The following CDH10 variants were observed in gnomAD, a reference collection of about 807,000 sequenced individuals.
The protein encoded by CDH10 is cadherin-10.
Under a neutral mutation model 73.1 loss-of-function variants are expected in CDH10, and 30 were observed. The ratio of observed to expected loss-of-function variants is 0.41; its 90% confidence interval spans 0.31 to 0.56. The LOEUF (loss-of-function observed/expected upper bound fraction) is 0.56, where lower values mean the gene tolerates loss of function less well. Ranked by LOEUF, CDH10 falls within the 20% of genes least tolerant of loss-of-function variation. The pLI is 0.27. For missense variants in CDH10, 815 were observed against 973.7 expected (o/e 0.84, Z 2.17); for synonymous variants, 345 against 348.2 (o/e 0.99, Z 0.10).
intron 4 of CDH10, 148 bp downstream of exon 4, chr5:24,535,555 C>T (rs1743920469): frequency 2.6e-6 from 2 of 760,688 alleles, no homozygotes; most frequent in Non-Finnish European, 4.2e-6. Flanking sequence ...TATCATTTAA[C>T]TTTGAGTTCT....
intron 2 of CDH10, among the ~76,000 whole-genome samples, chr5:24,543,855 G>T (rs1390316249): frequency 6.6e-6 from 1 of 152,134 alleles, no homozygotes; most frequent in Non-Finnish European, 1.5e-5. Context: ...AGAAAACCTT[G>T]AATTAAATGG....
In CDH10 at chr5:24,535,257, C is replaced by T. The variant is rs758449342; in HGVS notation, c.669G>A (p.Pro223=). Residue 223 remains proline, a synonymous_variant, in exon 5 of 12, where the codon CCG becomes CCA. Coordinates refer to ENST00000264463, the MANE Select transcript of CDH10 (RefSeq NM_006727.5). The part of the protein sequence containing the change: ...PETGIIRTAL[P]NMNRENREQY... ...GCTCTCTGTTTTCTCTGTTCATGTT[C>T]GGTAAAGCAGTCCTGATGATACCTT... 9.3e-6 allele frequency: 15 copies of T among 1,612,592 alleles called. No homozygotes were observed. The highest frequency in any genetic ancestry group is 1.6e-4 in the Middle Eastern group (1 of 6,064).
intron 2 of CDH10, among the ~76,000 whole-genome samples, chr5:24,584,088 A>C (rs184621617): frequency 6.0e-4 from 91 of 152,250 alleles, no homozygotes; most frequent in African/African-American, 2.1e-3. Context: ...TTTTTTTCTT[A>C]ATTATAAATG....
At chr5:24,626,039 A>T (rs538588999) in intron 1 of CDH10, among the ~76,000 whole-genome samples, 2 of 152,264 alleles carry the variant, frequency 1.3e-5, no homozygotes, top group African/African-American at 4.8e-5. Context: ...TTAAGCCTAA[A>T]AGCTTATCAT....
Position 24,512,785 on chromosome 5 carries a change from C to A in CDH10, c.815-1271G>T, listed in dbSNP as rs542305840. Among the ~76,000 whole-genome samples, 3 of 152,228 alleles carry A rather than the reference C, an allele frequency of 2.0e-5. 1 individual carries two copies. In the South Asian group the frequency reaches 6.2e-4, roughly 32 times the overall value. On this transcript the variant is annotated intron_variant, in intron 5 of 11. Transcript: ENST00000264463. ...CCTCAAGTACACTCTGATTATAGCA[C>A]CTTCTTGCTCATAAACCTTAAGTAA... is the stretch of plus-strand genomic sequence containing the variant.
chr5:24,603,759 A>G (rs1746653235), intron 1 of CDH10, among the ~76,000 whole-genome samples: 2 of 152,202 alleles, frequency 1.3e-5, no homozygotes, highest in Admixed American at 6.5e-5. Flanking sequence ...ATTCCGGAAC[A>G]AAGTGTAGAT....
chr5:24,511,239 C>T, intron 6 of CDH10, 88 bp downstream of exon 6: 1 of 794,894 alleles, frequency 1.3e-6, no homozygotes, highest in Non-Finnish European at 2.1e-6. Flanking sequence ...AGTAGTATTT[C>T]CCAATGGATC....
At chr5:24,550,271 T>C (rs1349067442) in intron 2 of CDH10, among the ~76,000 whole-genome samples, 2 of 152,196 alleles carry the variant, frequency 1.3e-5, no homozygotes, top group African/African-American at 2.4e-5. Flanking sequence ...TTTTTCAGTA[T>C]AATTCTTCTT....
Position 24,594,890 on chromosome 5 carries a change from A to G in CDH10, c.-123-1277T>C, listed in dbSNP as rs1024092171. Among the ~76,000 whole-genome samples the G allele has an allele frequency of 3.9e-5, 6 of 152,072 alleles. No homozygotes were observed. In the East Asian group the frequency reaches 5.8e-4, roughly 15 times the overall value. On this transcript the variant is annotated intron_variant, in intron 1 of 11. Coordinates refer to ENST00000264463, the MANE Select transcript of CDH10 (RefSeq NM_006727.5). ...TTTCTTCATCACTGTATCACAGTGT[A>G]TAAAAAAGAATCTTGTCTATAATAG...
intron 1 of CDH10, among the ~76,000 whole-genome samples, chr5:24,625,560 T>C (rs1397176290): frequency 2.3e-5 from 2 of 86,200 alleles, no homozygotes; most frequent in Non-Finnish European, 6.5e-5. Flanking sequence ...TATATATATA[T>C]ATTCATATAT....
chr5:24,530,016 C>CTTTTTTTTTT (rs34282847), intron 5 of CDH10, among the ~76,000 whole-genome samples: 5 of 121,842 alleles, frequency 4.1e-5, no homozygotes, highest in Non-Finnish European at 6.6e-5. Context: ...TCTATTTTTA[C>CTTTTTTTTTT]TTTTTTTTTT....
At chr5:24,518,484 T>C (rs1579749830) in intron 5 of CDH10, among the ~76,000 whole-genome samples, 1 of 152,140 alleles carries the variant, frequency 6.6e-6, no homozygotes, top group Non-Finnish European at 1.5e-5. Flanking sequence ...CACGTAAATA[T>C]ATGAGTGTAT....
chr5:24,563,340 G>A (rs1168540591), intron 2 of CDH10, among the ~76,000 whole-genome samples: 3 of 135,220 alleles, frequency 2.2e-5, no homozygotes, highest in Non-Finnish European at 4.6e-5. Context: ...GTTGACAGGT[G>A]CGTTTCCACT....
chr5:24,626,848 A>G (rs1747519191), intron 1 of CDH10, among the ~76,000 whole-genome samples: 1 of 142,378 alleles, frequency 7.0e-6, no homozygotes, highest in African/African-American at 2.5e-5. Context: ...GTATATATAT[A>G]TAAGTGTATA....
In CDH10 at chr5:24,593,566, C is replaced by T. The variant is rs1344215421; in HGVS notation, c.-76G>A. The T allele has an allele frequency of 2.7e-6, 2 of 736,796 alleles. No homozygotes were observed. Among genetic ancestry groups the T allele is most frequent in the Admixed American group, 2.5e-5 (1 of 40,792 alleles). The allele number at this position is 736,796 out of a possible 1,614,324, so 45.6% of individuals were successfully genotyped here. On this transcript the variant is annotated 5_prime_UTR_variant, in exon 2 of 12. It removes the in-frame stop codon of an upstream open reading frame in the 5' UTR. Transcript: ENST00000264463. Reference sequence around the variant, plus strand: ...TTACCCAGTTGGTTTTACTGTGTTTCAACTGGTTTCCAACATTTCATCAAT... The same window carrying T: ...TTACCCAGTTGGTTTTACTGTGTTTTAACTGGTTTCCAACATTTCATCAAT...
intron 1 of CDH10, among the ~76,000 whole-genome samples, chr5:24,628,111 T>C (rs1184087547): frequency 6.6e-6 from 1 of 151,828 alleles, no homozygotes; most frequent in South Asian, 2.1e-4. Context: ...AACCACAGAG[T>C]TTGAAATAAA....
intron 7 of CDH10, among the ~76,000 whole-genome samples, chr5:24,507,619 T>C (rs1479298514): frequency 1.3e-5 from 2 of 152,102 alleles, no homozygotes; most frequent in Non-Finnish European, 2.9e-5. Context: ...AACAATATTA[T>C]ATTTTATTTT....
intron 2 of CDH10, among the ~76,000 whole-genome samples, chr5:24,566,809 G>A (rs973216225): frequency 1.3e-5 from 2 of 151,936 alleles, no homozygotes; most frequent in African/African-American, 4.8e-5. Flanking sequence ...TTGTTAGACA[G>A]GACCCAAAAA....
At chr5:24,535,363 G>T in intron 4 of CDH10, 84 bp from the exon 5 acceptor site, 1 of 1,307,408 alleles carries the variant, frequency 7.6e-7, no homozygotes, top group Non-Finnish European at 1.1e-6. Flanking sequence ...GTATTTTTAA[G>T]CTAGTGATTT....
Sources: allele counts gnomAD v4.1 joint callset (sites outside exome capture counted in the v4.1 genomes callset), GRCh38; gene constraint gnomAD v4.1.1; transcripts MANE v1.5; gene names NCBI Gene and HGNC (gene_info 2026-07-23, HGNC 2026-07-21).